Variants in LRP1B observed in about 807,000 individuals in gnomAD.
The protein encoded by LRP1B is LDL receptor related protein 1B, also known as low-density lipoprotein receptor-related protein 1B.
LRP1B carries 217 observed loss-of-function variants against 556.6 expected under a neutral mutation model. The observed-to-expected ratio is 0.39, with a 90% CI of 0.35 to 0.44. The LOEUF (loss-of-function observed/expected upper bound fraction) is 0.44, where lower values mean the gene tolerates loss of function less well. Among genes scored for constraint, LRP1B ranks in the 20% least tolerant of loss-of-function variants. The pLI is 1.00. For synonymous variants in LRP1B, 2,047 were observed against 1,865.8 expected (o/e 1.10, Z -2.50); for missense variants, 5,053 against 5,620.8 (o/e 0.90, Z 3.23).
intron 2 of LRP1B, among the ~76,000 whole-genome samples, chr2:141,707,537 T>C (rs1220302080): frequency 1.3e-5 from 2 of 152,140 alleles, no homozygotes; most frequent in African/African-American, 4.8e-5. Flanking sequence ...TTGTGGCAAG[T>C]TTCTAGAGGC....
rs1699259310 is a variant in LRP1B, at chr2:141,058,877, A to G, written c.1408+6T>C. 5 of 1,578,174 alleles carry G rather than the reference A, an allele frequency of 3.2e-6. No homozygotes were observed. Among genetic ancestry groups the G allele is most frequent in the Non-Finnish European group, 3.4e-6 (4 of 1,164,710 alleles). On this transcript the variant is annotated splice_donor_region_variant and intron_variant, in intron 9 of 90. Coordinates refer to ENST00000389484, the MANE Select transcript of LRP1B (RefSeq NM_018557.3). ...AGGAAGGTAATAAAGAAGCTTTCCC[A>G]CTTACCTGTTGGTTGAGTTCTTTTT... is the stretch of plus-strand genomic sequence containing the variant.
chr2:141,718,851 A>C (rs1692715817), intron 2 of LRP1B, among the ~76,000 whole-genome samples: 1 of 152,186 alleles, frequency 6.6e-6, no homozygotes, highest in Non-Finnish European at 1.5e-5. Context: ...TACCTTCGTC[A>C]GAAGAAAGTG....
chr2:141,520,251 AAG>A (rs1684482188), intron 2 of LRP1B, among the ~76,000 whole-genome samples: 1 of 152,188 alleles, frequency 6.6e-6, no homozygotes, highest in Non-Finnish European at 1.5e-5. Context: ...ATTTCAAAGA[AAG>A]AGAAATACTG....
At chr2:142,012,522 G>T (rs771416319) in intron 1 of LRP1B, among the ~76,000 whole-genome samples, 37 of 152,186 alleles carry the variant, frequency 2.4e-4, no homozygotes, top group Admixed American at 5.2e-4. Flanking sequence ...ATCTTAGGGA[G>T]ACTCCATAAG....
chr2:140,989,725 A>G, intron 16 of LRP1B, 68 bp from the exon 17 acceptor site: 1 of 1,494,562 alleles, frequency 6.7e-7, no homozygotes, highest in African/African-American at 1.4e-5. Context: ...TTTGAATGAT[A>G]GTTACAGAAA....
intron 82 of LRP1B, among the ~76,000 whole-genome samples, chr2:140,319,447 A>G (rs918032350): frequency 6.6e-6 from 1 of 152,150 alleles, no homozygotes; most frequent in African/African-American, 2.4e-5. Context: ...TGCTGAAGGT[A>G]TGACATTTCT....
intron 3 of LRP1B, among the ~76,000 whole-genome samples, chr2:141,373,211 C>T (rs1388887125): frequency 6.6e-6 from 1 of 151,998 alleles, no homozygotes; most frequent in Admixed American, 6.5e-5. Flanking sequence ...AAGGTGAAAT[C>T]ACTTGATGTG....
chr2:141,332,448 G>GA (rs59675152), intron 3 of LRP1B, among the ~76,000 whole-genome samples: 65,337 of 138,788 alleles, frequency 0.47, 15,413 homozygotes, highest in Non-Finnish European at 0.55. Flanking sequence ...ATATCTAACT[G>GA]AAAAAAAAAA....
rs540048318 is a variant in LRP1B, at chr2:140,317,663, G to A, written c.12641-2564C>T. 2.8e-4 allele frequency among the ~76,000 whole-genome samples: 43 copies of A among 152,188 alleles called. 1 individual carries two copies. Among genetic ancestry groups the A allele is most frequent in the Admixed American group, 2.3e-3 (35 of 15,254 alleles). On this transcript the variant is annotated intron_variant, in intron 82 of 90. Transcript: ENST00000389484. ...CCAAAGCATTTCTAACTCAGTCAAC[G>A]TTATTTGTCCTAATAAAGGTTGTGG... is the stretch of plus-strand genomic sequence containing the variant.
chr2:140,420,353 C>T (rs1558869857), intron 66 of LRP1B, among the ~76,000 whole-genome samples: 1 of 152,130 alleles, frequency 6.6e-6, no homozygotes, highest in East Asian at 1.9e-4. Flanking sequence ...ACACATCCAT[C>T]AGGATGGCCA....
chr2:141,367,471 CTTTTTTTTTTTTTTTT>C (rs1169568111), intron 3 of LRP1B, among the ~76,000 whole-genome samples: 17 of 44,942 alleles, frequency 3.8e-4, no homozygotes, highest in South Asian at 1.1e-3. Context: ...ATTTGAAATG[CTTTTTTTTTTTTTTTT>C]TTTTTTTTTT....
chr2:141,681,137 CAA>C (rs948613044), intron 2 of LRP1B, among the ~76,000 whole-genome samples: 1 of 151,910 alleles, frequency 6.6e-6, no homozygotes, highest in Non-Finnish European at 1.5e-5. Context: ...ACAAAAAATA[CAA>C]AAAGTTATCC....
At chr2:141,320,068 A>G (rs1211022557) in intron 3 of LRP1B, among the ~76,000 whole-genome samples, 1 of 152,086 alleles carries the variant, frequency 6.6e-6, no homozygotes, top group Non-Finnish European at 1.5e-5. Flanking sequence ...AATTTCTCAG[A>G]TGATGCCAAT....
chr2:140,720,369 C>T (rs1687358052), intron 35 of LRP1B, among the ~76,000 whole-genome samples: 1 of 151,900 alleles, frequency 6.6e-6, no homozygotes. Flanking sequence ...ATTATAATTA[C>T]ATCTCTACAG....
At chr2:141,740,675 G>C (rs1003699019) in intron 2 of LRP1B, among the ~76,000 whole-genome samples, 1 of 152,008 alleles carries the variant, frequency 6.6e-6, no homozygotes, top group Non-Finnish European at 1.5e-5. Flanking sequence ...CCAAATACGA[G>C]GTCTTATTCA....
At chr2:141,607,828 A>AG (rs1293746771) in intron 2 of LRP1B, among the ~76,000 whole-genome samples, 3 of 152,108 alleles carry the variant, frequency 2.0e-5, no homozygotes, top group Non-Finnish European at 4.4e-5. Context: ...GAGGCTGAGG[A>AG]GGGGGGATCG....
At chr2:141,379,364 G>C (rs1053162278) in intron 3 of LRP1B, among the ~76,000 whole-genome samples, 1 of 152,156 alleles carries the variant, frequency 6.6e-6, no homozygotes. Flanking sequence ...TGCCCTAGAA[G>C]AAATGTTAAA....
intron 1 of LRP1B, among the ~76,000 whole-genome samples, chr2:142,053,591 C>T (rs1159928418): frequency 3.3e-5 from 5 of 152,066 alleles, no homozygotes; most frequent in South Asian, 2.1e-4. Context: ...CAAGCTGGAA[C>T]ACTGAACGTG....
chr2:141,702,926 T>C (rs1691992706), intron 2 of LRP1B, among the ~76,000 whole-genome samples: 1 of 151,918 alleles, frequency 6.6e-6, no homozygotes, highest in Non-Finnish European at 1.5e-5. Context: ...ATTTCTCCTT[T>C]AATCAAGGGA....
Sources: gnomAD v4.1 joint callset for allele counts (sites outside exome capture counted in the v4.1 genomes callset) on GRCh38, gnomAD v4.1.1 for gene constraint, MANE v1.5 for transcripts, NCBI Gene and HGNC (gene_info 2026-07-23, HGNC 2026-07-21) for gene names.